Variants in INSM2 observed in about 807,000 individuals in gnomAD.
The protein encoded by INSM2 is insulinoma-associated protein 2.
In INSM2, 12 loss-of-function variants were observed where a neutral mutation model predicts 30.5. That is an observed-to-expected ratio of 0.39 (90% confidence interval 0.25 to 0.64). INSM2 has a LOEUF of 0.64. Ranked by LOEUF, INSM2 falls within the 30% of genes least tolerant of loss-of-function variation. INSM2 has a pLI of 0.47. For missense variants in INSM2, 773 were observed against 819.2 expected (o/e 0.94, Z 0.69); for synonymous variants, 418 against 383.7 (o/e 1.09, Z -1.05).
rs992849579 is a variant in INSM2 at position 35,535,112 on chromosome 14, T to C, written c.860T>C (p.Val287Ala). The C allele has an allele frequency of 6.2e-7, 1 of 1,606,640 alleles. No individual in the cohort carries two copies. The highest frequency in any genetic ancestry group is 1.1e-5 in the South Asian group (1 of 90,162). ...GCCCAGCACCGCTGCTCCCGCATCG[T>C]GCGCGTAGAGTACCGCTGCCCTGAG... ...ALAQHRCSRI[V>A]RVEYRCPECD... The change falls in exon 1 of 1, where the codon GTG becomes GCG. Residue 287 changes from valine (V) to alanine (A), a missense_variant. Transcript: ENST00000307169.
rs1161618049 is a variant in INSM2, at chr14:35,534,950, C to T, written c.698C>T (p.Thr233Ile). Residue 233 changes from threonine to isoleucine, a missense_variant, in exon 1 of 1, where the codon ACA becomes ATA. Thr to Ile is a moderately conservative substitution (Grantham distance 89). Coordinates refer to ENST00000307169, the MANE Select transcript of INSM2 (RefSeq NM_032594.4). ...RKLSFADEVT[T>I]SPVLGLKIKE... ...TTGAGCTTTGCCGATGAGGTGACCA[C>T]ATCCCCTGTCCTGGGCCTGAAGATC... is the stretch of plus-strand genomic sequence containing the variant. The T allele has an allele frequency of 6.3e-7, 1 of 1,577,710 alleles. No homozygotes were observed. The highest frequency in any genetic ancestry group is 8.6e-7 in the Non-Finnish European group (1 of 1,166,030).
In INSM2 at chr14:35,535,343, A is replaced by C. The variant is rs769713703; in HGVS notation, c.1091A>C (p.Asp364Ala). ...AACAGCCGAATAGAGCGGACTGCGG[A>C]TCAGCACCCGCAGGCCAGGGACAGC... ...KENSRIERTA[D>A]QHPQARDSSG... The change falls in exon 1 of 1, where the codon GAT (aspartate) becomes GCT (alanine). Residue 364 changes from aspartate to alanine, a missense_variant. Physicochemically the swap from Asp to Ala is moderately radical, Grantham distance 126. Coordinates refer to ENST00000307169, the MANE Select transcript of INSM2 (RefSeq NM_032594.4). 5 of 1,610,622 alleles carry C rather than the reference A, an allele frequency of 3.1e-6. No individual in the cohort carries two copies. The highest frequency in any genetic ancestry group is 2.2e-5 in the East Asian group (1 of 44,810).
rs775855879 is a variant in INSM2, at chr14:35,535,302, G to C, written c.1050G>C (p.Leu350=). 5 of 1,612,672 alleles carry C rather than the reference G, an allele frequency of 3.1e-6. No individual in the cohort carries two copies. Among genetic ancestry groups the C allele is most frequent in the Non-Finnish European group, 4.2e-6 (5 of 1,179,638 alleles). The change falls in exon 1 of 1, where the codon CTG becomes CTC. Residue 350 remains leucine, a synonymous_variant. Coordinates refer to ENST00000307169, the MANE Select transcript of INSM2 (RefSeq NM_032594.4). ...SRDSGAIASF[L]AEGKENSRIE... is the part of the protein sequence containing the mutation. Reference sequence around the variant, plus strand: ...ACTCCGGGGCCATTGCATCTTTTCTGGCGGAGGGAAAGGAGAACAGCCGAA... The same window carrying C: ...ACTCCGGGGCCATTGCATCTTTTCTCGCGGAGGGAAAGGAGAACAGCCGAA...
rs746401759 is a variant in INSM2, at chr14:35,535,693, A to G, written c.1441A>G (p.Thr481Ala). The change falls in exon 1 of 1, where the codon ACA becomes GCA. Residue 481 changes from threonine (T) to alanine (A), a missense_variant. Physicochemically the swap from Thr to Ala is moderately conservative, Grantham distance 58 (BLOSUM62 0). Transcript: ENST00000307169. ...CCCATTGTGCGGAGCGCACTTCCCT[A>G]CAGCAGATATCAGGGAGAAGCACCG... ...ACPLCGAHFP[T>A]ADIREKHRLW... is the part of the protein sequence containing the mutation. 6.2e-7 allele frequency: 1 copy of G among 1,613,220 alleles called. No homozygotes were observed. Among genetic ancestry groups the G allele is most frequent in the African/African-American group, 1.3e-5 (1 of 75,058 alleles).
Position 35,534,658 on chromosome 14 carries a change from G to C in INSM2, c.406G>C (p.Glu136Gln). ...ERCLSSPVSAESFPGGAAAVA... is the reference protein window; with the variant it reads ...ERCLSSPVSAQSFPGGAAAVA... ...CTGCCTCAGCTCGCCCGTCTCCGCC[G>C]AGTCTTTCCCCGGGGGCGCCGCCGC... The change falls in exon 1 of 1, where the codon GAG becomes CAG. Residue 136 changes from glutamate (E) to glutamine (Q), a missense_variant. Coordinates refer to ENST00000307169, the MANE Select transcript of INSM2 (RefSeq NM_032594.4). The C allele has an allele frequency of 7.1e-7, 1 of 1,412,874 alleles. No individual in the cohort carries two copies. 87.5% of individuals were successfully genotyped at this position (1,412,874 alleles called of 1,614,324 possible).
chr14:35,535,996 A>T lies in INSM2; in HGVS notation c.*43A>T. On this transcript the variant is annotated 3_prime_UTR_variant, in exon 1 of 1. Coordinates refer to ENST00000307169, the MANE Select transcript of INSM2 (RefSeq NM_032594.4). The stretch of plus-strand genomic sequence containing the variant: ...TGATTTCGAGGTTGGCCTTAGAGGA[A>T]ACAGATCATGGGAATTTCTGTGGGG... 1 of 1,535,838 alleles carries T rather than the reference A, an allele frequency of 6.5e-7. No homozygotes were observed. The highest frequency in any genetic ancestry group is 8.7e-7 in the Non-Finnish European group (1 of 1,145,628).
rs2053598501 is a variant in INSM2, at chr14:35,536,229, C to T, written c.*276C>T. On this transcript the variant is annotated 3_prime_UTR_variant, in exon 1 of 1. Coordinates refer to ENST00000307169, the MANE Select transcript of INSM2 (RefSeq NM_032594.4). ...TCCCCACTAAAATAGGATTTTTCCCCTTAAAACTCTGGAGACCCTAACGAA... is the reference window on the plus strand; with the variant it reads ...TCCCCACTAAAATAGGATTTTTCCCTTTAAAACTCTGGAGACCCTAACGAA... 1 of 393,388 alleles carries T rather than the reference C, an allele frequency of 2.5e-6. No individual in the cohort carries two copies. The highest frequency in any genetic ancestry group is 4.5e-5 in the East Asian group (1 of 22,450). 24.4% of individuals were successfully genotyped at this position (393,388 alleles called of 1,614,324 possible).
chr14:35,534,688 G>A lies in INSM2; in HGVS notation c.436G>A (p.Ala146Thr). 7.1e-7 allele frequency: 1 copy of A among 1,401,874 alleles called. No homozygotes were observed. Among genetic ancestry groups the A allele is most frequent in the Non-Finnish European group, 9.2e-7 (1 of 1,088,374 alleles). 86.8% of individuals were successfully genotyped at this position (1,401,874 alleles called of 1,614,324 possible). A position where few individuals can be genotyped will look rare whatever the true frequency, so the allele number is the denominator to read the frequency against. Residue 146 changes from alanine to threonine, a missense_variant, in exon 1 of 1, where the codon GCC (alanine) becomes ACC (threonine). Transcript: ENST00000307169. Reference protein sequence around the residue: ...ESFPGGAAAVAAFSCSVAPAA... With the variant: ...ESFPGGAAAVTAFSCSVAPAA... ...TTTCCCCGGGGGCGCCGCCGCCGTG[G>A]CCGCTTTCTCCTGCTCCGTGGCGCC...
chr14:35,536,041 T>G lies in INSM2; in HGVS notation c.*88T>G. ...GTGGGGCTTTCTTCAACTTGCAAGT[T>G]TACTTTCATTCCTTCCTATGTTTTA... On this transcript the variant is annotated 3_prime_UTR_variant, in exon 1 of 1. Coordinates refer to ENST00000307169, the MANE Select transcript of INSM2 (RefSeq NM_032594.4). 2 of 1,436,766 alleles carry G rather than the reference T, an allele frequency of 1.4e-6. No individual in the cohort carries two copies. Among genetic ancestry groups the G allele is most frequent in the Non-Finnish European group, 9.4e-7 (1 of 1,061,792 alleles). The allele number at this position is 1,436,766 out of a possible 1,614,324, so 89.0% of individuals were successfully genotyped here.
chr14:35,535,554 G>A lies in INSM2; in HGVS notation c.1302G>A (p.Lys434=). 1 of 1,613,272 alleles carries A rather than the reference G, an allele frequency of 6.2e-7. No individual in the cohort carries two copies. The highest frequency in any genetic ancestry group is 8.5e-7 in the Non-Finnish European group (1 of 1,179,980). ...TCGTGTGCCCATATTGCCACAAAAA[G>A]TTTCGTCGCCAAGCCTATCTGCGCA... The part of the protein sequence containing the change: ...EIFVCPYCHK[K]FRRQAYLRKH... The change falls in exon 1 of 1, where the codon AAG becomes AAA. Residue 434 remains lysine, a synonymous_variant. Transcript: ENST00000307169.
In INSM2 at chr14:35,535,485, A is replaced by T. The variant is rs757132560; in HGVS notation, c.1233A>T (p.Val411=). ...CGGAGGGGGTGTTGGGGCGCCGGGTACCTGTGCCGGGCAGTACCAGTGGTG... is the reference window on the plus strand; with the variant it reads ...CGGAGGGGGTGTTGGGGCGCCGGGTTCCTGTGCCGGGCAGTACCAGTGGTG... The part of the protein sequence containing the change: ...PYTEGVLGRR[V]PVPGSTSGGR... The change falls in exon 1 of 1, where the codon GTA becomes GTT. Residue 411 remains valine, a synonymous_variant. Coordinates refer to ENST00000307169, the MANE Select transcript of INSM2 (RefSeq NM_032594.4). 1 of 1,613,190 alleles carries T rather than the reference A, an allele frequency of 6.2e-7. No homozygotes were observed. Among genetic ancestry groups the T allele is most frequent in the Admixed American group, 1.7e-5 (1 of 60,032 alleles).
At position 35,534,513 on chromosome 14, in the gene INSM2, C is replaced by T. The variant is rs749497004; in HGVS notation, c.261C>T (p.Gly87=). Residue 87 remains glycine (G), a synonymous_variant, in exon 1 of 1, where the codon GGC becomes GGT. Transcript: ENST00000307169. ...CRAAGVSPGT[G]GREGAEWRAG... ...CGGCTGGGGTGAGCCCGGGGACGGG[C>T]GGGCGGGAAGGCGCGGAGTGGCGGG... 1 of 1,403,426 alleles carries T rather than the reference C, an allele frequency of 7.1e-7. No individual in the cohort carries two copies. 86.9% of individuals were successfully genotyped at this position (1,403,426 alleles called of 1,614,324 possible).
rs1056999224 is a variant in INSM2, at chr14:35,534,413, C to T, written c.161C>T (p.Pro54Leu). The change falls in exon 1 of 1, where the codon CCC becomes CTC. Residue 54 changes from proline to leucine, a missense_variant. Transcript: ENST00000307169. Reference protein sequence around the residue: ...ASLPGAERATPPTREEPGKGL... With the variant: ...ASLPGAERATLPTREEPGKGL... ...TTGCCCGGCGCGGAGCGGGCGACAC[C>T]CCCCACCCGAGAGGAACCAGGAAAG... is the stretch of plus-strand genomic sequence containing the variant. 2.0e-6 allele frequency: 3 copies of T among 1,506,268 alleles called. No homozygotes were observed. Among genetic ancestry groups the T allele is most frequent in the Non-Finnish European group, 2.6e-6 (3 of 1,134,692 alleles). The allele number at this position is 1,506,268 out of a possible 1,614,324, so 93.3% of individuals were successfully genotyped here.
In INSM2 at chr14:35,534,529, G is replaced by A. The variant is rs1312271020; in HGVS notation, c.277G>A (p.Glu93Lys). 1.4e-5 allele frequency: 20 copies of A among 1,399,634 alleles called. No individual in the cohort carries two copies. The highest frequency in any genetic ancestry group is 1.8e-5 in the Non-Finnish European group (19 of 1,085,550). 86.7% of individuals were successfully genotyped at this position (1,399,634 alleles called of 1,614,324 possible). ...GGGGACGGGCGGGCGGGAAGGCGCG[G>A]AGTGGCGGGCGGGTGGCAGGGAAGG... Reference protein sequence around the residue: ...SPGTGGREGAEWRAGGREGPG... With the variant: ...SPGTGGREGAKWRAGGREGPG... Residue 93 changes from glutamate to lysine, a missense_variant, in exon 1 of 1, where the codon GAG becomes AAG. Coordinates refer to ENST00000307169, the MANE Select transcript of INSM2 (RefSeq NM_032594.4).
Position 35,535,093 on chromosome 14 carries a change from C to T in INSM2, c.841C>T (p.His281Tyr). Residue 281 changes from histidine to tyrosine, a missense_variant, in exon 1 of 1, where the codon CAC (histidine) becomes TAC (tyrosine). Coordinates refer to ENST00000307169, the MANE Select transcript of INSM2 (RefSeq NM_032594.4). The part of the protein sequence containing the change: ...QYADPFALAQ[H>Y]RCSRIVRVEY... ...CGCAGACCCCTTCGCGCTGGCCCAG[C>T]ACCGCTGCTCCCGCATCGTGCGCGT... 6.2e-7 allele frequency: 1 copy of T among 1,602,548 alleles called. No homozygotes were observed. The highest frequency in any genetic ancestry group is 1.7e-5 in the Admixed American group (1 of 59,212).
In INSM2 at chr14:35,535,439, C is replaced by G. The variant is rs768859354; in HGVS notation, c.1187C>G (p.Pro396Arg). 1.1e-5 allele frequency: 18 copies of G among 1,612,240 alleles called. No individual in the cohort carries two copies. The highest frequency in any genetic ancestry group is 1.6e-4 in the Middle Eastern group (1 of 6,084). ...CAGGTGCTGACGCATCCAGAGCCAC[C>G]GCTGCCTCAGGGCCCCTACACGGAG... ...GLQVLTHPEP[P>R]LPQGPYTEGV... is the part of the protein sequence containing the mutation. The change falls in exon 1 of 1, where the codon CCG (proline) becomes CGG (arginine). Residue 396 changes from proline to arginine, a missense_variant. Coordinates refer to ENST00000307169, the MANE Select transcript of INSM2 (RefSeq NM_032594.4).
Position 35,535,685 on chromosome 14 carries a change from A to G in INSM2, c.1433A>G (p.His478Arg), listed in dbSNP as rs536480490. Residue 478 changes from histidine to arginine, a missense_variant, in exon 1 of 1, where the codon CAC (histidine) becomes CGC (arginine). Transcript: ENST00000307169. ...TTCGCTTGCCCATTGTGCGGAGCGC[A>G]CTTCCCTACAGCAGATATCAGGGAG... Reference protein sequence around the residue: ...LAFACPLCGAHFPTADIREKH... With the variant: ...LAFACPLCGARFPTADIREKH... The G allele has an allele frequency of 4.5e-5, 73 of 1,613,242 alleles. No individual in the cohort carries two copies. The highest frequency in any genetic ancestry group is 3.3e-4 in the Middle Eastern group (2 of 6,060).
Position 35,535,578 on chromosome 14 carries a change from C to T in INSM2, c.1326C>T (p.Arg442=). Residue 442 remains arginine, a synonymous_variant, in exon 1 of 1, where the codon CGC becomes CGT. Coordinates refer to ENST00000307169, the MANE Select transcript of INSM2 (RefSeq NM_032594.4). Reference sequence around the variant, plus strand: ...AGTTTCGTCGCCAAGCCTATCTGCGCAAGCACCTGAGCACTCACGAGGCGG... The same window carrying T: ...AGTTTCGTCGCCAAGCCTATCTGCGTAAGCACCTGAGCACTCACGAGGCGG... ...HKKFRRQAYL[R]KHLSTHEAGS... 6.2e-7 allele frequency: 1 copy of T among 1,613,318 alleles called. No homozygotes were observed. Among genetic ancestry groups the T allele is most frequent in the Non-Finnish European group, 8.5e-7 (1 of 1,179,992 alleles).
In INSM2 at chr14:35,535,010, T is replaced by C; in HGVS notation, c.758T>C (p.Leu253Ser). Reference sequence around the variant, plus strand: ...GAGCCCGGAGCGCCGTCCCGGGGCTTGGGGGGCAGCCGCACGCCACTGGGG... The same window carrying C: ...GAGCCCGGAGCGCCGTCCCGGGGCTCGGGGGGCAGCCGCACGCCACTGGGG... The part of the protein sequence containing the change: ...EEEPGAPSRG[L>S]GGSRTPLGEF... The change falls in exon 1 of 1, where the codon TTG (leucine) becomes TCG (serine). Residue 253 changes from leucine (L) to serine (S), a missense_variant. Leu to Ser is a moderately radical substitution (Grantham distance 145). Transcript: ENST00000307169. 1 of 1,572,672 alleles carries C rather than the reference T, an allele frequency of 6.4e-7. No individual in the cohort carries two copies. Among genetic ancestry groups the C allele is most frequent in the Non-Finnish European group, 8.6e-7 (1 of 1,160,236 alleles).
Sources: gnomAD v4.1 joint callset for allele counts on GRCh38, gnomAD v4.1.1 for gene constraint, MANE v1.5 for transcripts, NCBI Gene and HGNC (gene_info 2026-07-23, HGNC 2026-07-21) for gene names.